The following PCNX2 variants were observed in gnomAD, a reference collection of about 807,000 sequenced individuals.
The protein encoded by PCNX2 is pecanex-like protein 2.
In PCNX2, 168 loss-of-function variants were observed where a neutral mutation model predicts 223.8. The observed-to-expected ratio is 0.75, with a 90% CI of 0.66 to 0.85. The LOEUF (loss-of-function observed/expected upper bound fraction) is 0.85, where lower values mean the gene tolerates loss of function less well. PCNX2 is among the 40% of genes least tolerant of loss of function. The pLI, the probability that PCNX2 is intolerant of heterozygous loss-of-function variation, is 0.00. For synonymous variants in PCNX2, 1,006 were observed against 1,052.6 expected (o/e 0.96, Z 0.86); for missense variants, 2,507 against 2,675.5 (o/e 0.94, Z 1.39).
the PCNX2 span, among the ~76,000 whole-genome samples, chr1:233,325,723 G>A: frequency 6.6e-6 from 1 of 152,096 alleles, no homozygotes; most frequent in African/African-American, 2.4e-5. Context: ...GGCAAAAAAA[G>A]TAGTTTCTTG....
intron 8 of PCNX2, among the ~76,000 whole-genome samples, chr1:233,241,920 C>G (rs999069173): frequency 6.6e-6 from 1 of 152,092 alleles, no homozygotes; most frequent in Non-Finnish European, 1.5e-5. Context: ...TCTAAACAGA[C>G]ATGATTATTT....
In PCNX2 at chr1:233,160,342, C is replaced by T; in HGVS notation, c.3458G>A (p.Trp1153Ter). 6.2e-7 allele frequency: 1 copy of T among 1,613,612 alleles called. No individual in the cohort carries two copies. Among genetic ancestry groups the T allele is most frequent in the Non-Finnish European group, 8.5e-7 (1 of 1,179,778 alleles). The change falls in exon 19 of 34, where the codon TGG (tryptophan) becomes TAG (stop). Residue 1153 changes from tryptophan to a stop codon, truncating the protein, a stop_gained. Transcript: ENST00000258229. LOFTEE classifies it high-confidence loss of function. ...VLPQLRKHHP[W>*]MWISHPILKN... ...GAGAATGGGGTGTGAAATCCACATC[C>T]AGGGATGATGCTTGCGGAGCTGAGG... is the stretch of plus-strand genomic sequence containing the variant.
At chr1:233,051,018 T>C (rs532040921) in intron 25 of PCNX2, among the ~76,000 whole-genome samples, 2 of 152,062 alleles carry the variant, frequency 1.3e-5, no homozygotes, top group African/African-American at 2.4e-5. Flanking sequence ...GTAAAAGATA[T>C]GAAGAGATAC....
intron 8 of PCNX2, among the ~76,000 whole-genome samples, chr1:233,244,949 T>G (rs2102977036): frequency 6.6e-6 from 1 of 152,350 alleles, no homozygotes. Context: ...GGGATTTATT[T>G]GTTGAGGTCG....
chr1:233,240,437 A>T (rs547857844), intron 8 of PCNX2, among the ~76,000 whole-genome samples: 1 of 152,298 alleles, frequency 6.6e-6, no homozygotes, highest in Admixed American at 6.5e-5. Flanking sequence ...ATACATATAA[A>T]GTGAAAGCGT....
chr1:233,113,141 C>T (rs1051333377), intron 21 of PCNX2, among the ~76,000 whole-genome samples: 2 of 152,166 alleles, frequency 1.3e-5, no homozygotes, highest in African/African-American at 4.8e-5. Context: ...TTGTCATCAC[C>T]AGGGTAGATT....
At chr1:233,148,629 T>TGA (rs561522651) in intron 19 of PCNX2, among the ~76,000 whole-genome samples, 5 of 152,138 alleles carry the variant, frequency 3.3e-5, no homozygotes, top group Non-Finnish European at 7.4e-5. Flanking sequence ...CTTGAGCTCC[T>TGA]GACCTCAAGT....
chr1:233,286,661 G>A (rs1448324381), intron 1 of PCNX2, among the ~76,000 whole-genome samples: 1 of 151,956 alleles, frequency 6.6e-6, no homozygotes, highest in African/African-American at 2.4e-5. Flanking sequence ...CAAGACAAGC[G>A]CCAGAGAGAC....
At chr1:233,150,998 T>A (rs1030491195) in intron 19 of PCNX2, among the ~76,000 whole-genome samples, 11 of 152,068 alleles carry the variant, frequency 7.2e-5, no homozygotes, top group African/African-American at 2.4e-4. Context: ...TTCCAAATGC[T>A]CTCACTGTGG....
At chr1:233,269,026 T>C (rs1177030222) in intron 1 of PCNX2, among the ~76,000 whole-genome samples, 1 of 152,232 alleles carries the variant, frequency 6.6e-6, no homozygotes, top group African/African-American at 2.4e-5. Context: ...TCTATCACTC[T>C]GGGGTCCACA....
intron 20 of PCNX2, among the ~76,000 whole-genome samples, chr1:233,138,620 TA>T (rs1490843266): frequency 6.6e-6 from 1 of 152,190 alleles, no homozygotes; most frequent in Non-Finnish European, 1.5e-5. Context: ...GGGTCCCACT[TA>T]AACTGTATAA....
intron 25 of PCNX2, chr1:233,032,153 A>C: frequency 1.3e-6 from 1 of 785,126 alleles, no homozygotes; most frequent in South Asian, 5.8e-5. Context: ...CCCAGGCTGG[A>C]GTGCAATGGC....
At chr1:233,199,068 C>T (rs1415580711) in intron 14 of PCNX2, 38 bp from the exon 15 acceptor site, 1 of 1,519,284 alleles carries the variant, frequency 6.6e-7, no homozygotes, top group Non-Finnish European at 8.9e-7. Context: ...TCTAGACCCG[C>T]CATTCTTAAA....
At chr1:233,015,241 A>G (rs1670610053) in intron 27 of PCNX2, among the ~76,000 whole-genome samples, 1 of 152,184 alleles carries the variant, frequency 6.6e-6, no homozygotes, top group South Asian at 2.1e-4. Flanking sequence ...GTAAGTCCAC[A>G]ATCAACAACC....
the PCNX2 span, among the ~76,000 whole-genome samples, chr1:233,306,799 G>C: frequency 6.6e-6 from 1 of 152,160 alleles, no homozygotes; most frequent in Non-Finnish European, 1.5e-5. Context: ...TTTATTCTGA[G>C]AATGTTGTGA....
chr1:233,173,166 C>CT (rs200540403), intron 17 of PCNX2, among the ~76,000 whole-genome samples: 377 of 146,018 alleles, frequency 2.6e-3, no homozygotes, highest in African/African-American at 6.3e-3. Flanking sequence ...AGTCTTCACT[C>CT]TTTTTTTTTT....
In PCNX2 at chr1:233,014,112, TTTGA is replaced by T. The variant is rs1297975169; in HGVS notation, c.4952+549_4952+552del. 2.0e-5 allele frequency among the ~76,000 whole-genome samples: 3 copies of T among 151,636 alleles called. No individual in the cohort carries two copies. The East Asian group carries it at 5.8e-4, about 29-fold the overall frequency. ...ACAGGGTGCCAAAGAGCCAGCAGAG[TTTGA>T]TTTTGTTTCTGTTCTTTAAAAAGAC... is the stretch of plus-strand genomic sequence containing the variant. On this transcript the variant is annotated intron_variant, in intron 28 of 33. Coordinates refer to ENST00000258229, the MANE Select transcript of PCNX2 (RefSeq NM_014801.4).
rs1225357960 is a variant in PCNX2, at chr1:233,014,706, C to G, written c.4911G>C (p.Gly1637=). 4 of 1,613,966 alleles carry G rather than the reference C, an allele frequency of 2.5e-6. No individual in the cohort carries two copies. Among genetic ancestry groups the G allele is most frequent in the Non-Finnish European group, 3.4e-6 (4 of 1,179,876 alleles). Residue 1637 remains glycine (G), a synonymous_variant, in exon 28 of 34, where the codon GGG becomes GGC. Coordinates refer to ENST00000258229, the MANE Select transcript of PCNX2 (RefSeq NM_014801.4). ...VTLSFALCTL[G]RRALGTAAHN... ...GAGCGGCTGTTCCCAGAGCTCTCCT[C>G]CCCAGGGTGCACAGGGCGAAGGACA...
chr1:233,116,927 A>C (rs558209856), intron 21 of PCNX2, among the ~76,000 whole-genome samples: 1 of 152,274 alleles, frequency 6.6e-6, no homozygotes, highest in East Asian at 1.9e-4. Flanking sequence ...ACAAATTAAT[A>C]ATATCAGGAG....
Sources: gnomAD v4.1 joint callset for allele counts (sites outside exome capture counted in the v4.1 genomes callset) on GRCh38, gnomAD v4.1.1 for gene constraint, MANE v1.5 for transcripts, NCBI Gene and HGNC (gene_info 2026-07-23, HGNC 2026-07-21) for gene names.